The following VEZT variants were observed in gnomAD, a reference collection of about 807,000 sequenced individuals.
VEZT encodes the protein vezatin, adherens junctions transmembrane protein.
Under a neutral mutation model 79.9 loss-of-function variants are expected in VEZT, and 39 were observed. The ratio of observed to expected loss-of-function variants is 0.49; its 90% CI spans 0.38 to 0.64. The LOEUF (loss-of-function observed/expected upper bound fraction) is 0.64. Among genes scored for constraint, VEZT ranks in the 30% least tolerant of loss-of-function variants. The pLI is 0.00. For synonymous variants in VEZT, 325 were observed against 327.6 expected (o/e 0.99, Z 0.09); for missense variants, 837 against 893.1 (o/e 0.94, Z 0.80).
At position 95,300,333 on chromosome 12, in the gene VEZT, ACT is replaced by A. The variant is rs2075044935; in HGVS notation, c.2005_2006del (p.Leu669ArgfsTer3). On this transcript the variant is annotated frameshift_variant, in exon 12 of 12. Coordinates refer to ENST00000436874, the MANE Select transcript of VEZT (RefSeq NM_017599.4). LOFTEE classifies it low-confidence loss of function (END_TRUNC). ...AGTAGGACTGAGTATTTATGTGAAA[ACT>A]CTCTAGAAGGTAAAAATAAAGATAA... 6.2e-7 allele frequency: 1 copy of A among 1,611,036 alleles called. No individual in the cohort carries two copies. The highest frequency in any genetic ancestry group is 1.7e-5 in the Admixed American group (1 of 59,616).
chr12:95,266,218 T>G, intron 4 of VEZT, 139 bp from the exon 5 acceptor site: 2 of 986,008 alleles, frequency 2.0e-6, no homozygotes, highest in Non-Finnish European at 2.9e-6. Context: ...TCATATATTT[T>G]TAAGTTATGC....
intron 10 of VEZT, among the ~76,000 whole-genome samples, chr12:95,295,461 G>T (rs949683991): frequency 6.6e-6 from 1 of 152,068 alleles, no homozygotes; most frequent in East Asian, 1.9e-4. Context: ...CGCCCGGCTG[G>T]TGCCTGCTTC....
At chr12:95,235,820 G>A (rs1489321605) in intron 1 of VEZT, among the ~76,000 whole-genome samples, 6 of 152,022 alleles carry the variant, frequency 3.9e-5, no homozygotes, top group South Asian at 2.1e-4. Flanking sequence ...CTTCTCAGAC[G>A]GGGCGGCTGC....
At position 95,279,000 on chromosome 12, in the gene VEZT, G is replaced by A. The variant is rs546123649; in HGVS notation, c.997-3313G>A. On this transcript the variant is annotated intron_variant, in intron 7 of 11. Coordinates refer to ENST00000436874, the MANE Select transcript of VEZT (RefSeq NM_017599.4). The stretch of plus-strand genomic sequence containing the variant: ...CAGGAGAATCGCTTGAACCCAGGAG[G>A]CGGAAGTTGTGGTGAGCCAAGATCG... Among the ~76,000 whole-genome samples, 382 of 152,326 alleles carry A rather than the reference G, an allele frequency of 2.5e-3. 1 individual carries two copies. Among genetic ancestry groups the A allele is most frequent in the African/African-American group, 8.8e-3 (364 of 41,572 alleles).
chr12:95,224,906 G>A (rs61937950), intron 1 of VEZT, among the ~76,000 whole-genome samples: 16,870 of 152,214 alleles, frequency 0.11, 1,360 homozygotes, highest in African/African-American at 0.23. Flanking sequence ...ATTCTCATAA[G>A]GAGCTCACAA....
chr12:95,281,417 G>A (rs1370230804), intron 7 of VEZT, among the ~76,000 whole-genome samples: 4 of 152,148 alleles, frequency 2.6e-5, no homozygotes, highest in Non-Finnish European at 5.9e-5. Context: ...GTTTGAGGTT[G>A]CAGTAAGCTA....
intron 6 of VEZT, 149 bp from the exon 7 acceptor site, chr12:95,274,593 C>G: frequency 1.4e-6 from 1 of 690,052 alleles, no homozygotes; most frequent in Non-Finnish European, 2.2e-6. Flanking sequence ...ATATTAGATA[C>G]TTAAAATTAA....
intron 11 of VEZT, among the ~76,000 whole-genome samples, chr12:95,298,338 T>C (rs1016294143): frequency 3.3e-5 from 5 of 152,086 alleles, no homozygotes; most frequent in Non-Finnish European, 5.9e-5. Flanking sequence ...CCAAAGCATA[T>C]AGCAGAGAAG....
chr12:95,300,392 G>T lies in VEZT; in HGVS notation c.2059G>T (p.Glu687Ter), dbSNP rs1566367857. 5.6e-6 allele frequency: 9 copies of T among 1,613,968 alleles called. No individual in the cohort carries two copies. Among genetic ancestry groups the T allele is most frequent in the Non-Finnish European group, 6.8e-6 (8 of 1,179,874 alleles). ...AAATGAAGTCTTCCCCCAAGGAGCA[G>T]AAGAAAGAATGTGTTACCAATGTGA... ...SSNEVFPQGA[E>*]ERMCYQCESE... Residue 687 changes from glutamate to a stop codon, truncating the protein, a stop_gained, in exon 12 of 12, where the codon GAA (glutamate) becomes TAA (stop). Coordinates refer to ENST00000436874, the MANE Select transcript of VEZT (RefSeq NM_017599.4). LOFTEE classifies it low-confidence loss of function (END_TRUNC).
intron 7 of VEZT, among the ~76,000 whole-genome samples, chr12:95,278,898 G>A (rs1312200478): frequency 3.3e-5 from 5 of 152,094 alleles, no homozygotes; most frequent in South Asian, 4.1e-4. Flanking sequence ...GAGATACCCC[G>A]TCTCTACTAA....
chr12:95,293,010 C>T (rs2073329424), intron 9 of VEZT, among the ~76,000 whole-genome samples: 1 of 152,024 alleles, frequency 6.6e-6, no homozygotes, highest in African/African-American at 2.4e-5. Flanking sequence ...ACCACCATGC[C>T]TGGCTAATTT....
chr12:95,276,858 T>A (rs2067893014), intron 7 of VEZT, among the ~76,000 whole-genome samples: 1 of 152,216 alleles, frequency 6.6e-6, no homozygotes, highest in African/African-American at 2.4e-5. Flanking sequence ...CCTACTCCCC[T>A]TCTAACCCAT....
intron 8 of VEZT, among the ~76,000 whole-genome samples, chr12:95,285,188 A>G (rs1294292762): frequency 1.3e-5 from 2 of 152,108 alleles, no homozygotes; most frequent in South Asian, 2.1e-4. Context: ...TAACACCTGT[A>G]ATCCTGATAC....
chr12:95,253,472 C>G (rs1355417867), intron 2 of VEZT, among the ~76,000 whole-genome samples: 1 of 152,208 alleles, frequency 6.6e-6, no homozygotes, highest in Non-Finnish European at 1.5e-5. Flanking sequence ...TATACCATTT[C>G]TTCCCTGTGC....
intron 1 of VEZT, 74 bp from the exon 2 acceptor site, chr12:95,251,866 G>A (rs560813384): frequency 7.1e-7 from 1 of 1,416,892 alleles, no homozygotes; most frequent in Admixed American, 2.0e-5. Flanking sequence ...GTGAAGTCTG[G>A]TATTAAGTTT....
At chr12:95,223,775 G>A (rs1223827108) in intron 1 of VEZT, among the ~76,000 whole-genome samples, 4 of 152,126 alleles carry the variant, frequency 2.6e-5, no homozygotes, top group African/African-American at 9.7e-5. Context: ...CAAAAAACTA[G>A]TTGGTTTTGT....
chr12:95,246,989 T>C (rs777086248), intron 1 of VEZT, among the ~76,000 whole-genome samples: 39 of 152,222 alleles, frequency 2.6e-4, no homozygotes, highest in Non-Finnish European at 4.9e-4. Flanking sequence ...CTGTATTTAT[T>C]AGTGTATAAG....
intron 7 of VEZT, among the ~76,000 whole-genome samples, chr12:95,275,174 A>G (rs1196440312): frequency 6.6e-6 from 1 of 152,240 alleles, no homozygotes; most frequent in Non-Finnish European, 1.5e-5. Context: ...TTGGAGGCCA[A>G]CGTGAGTGAT....
chr12:95,298,129 T>TAAG (rs2074560630), intron 11 of VEZT, among the ~76,000 whole-genome samples: 1 of 149,650 alleles, frequency 6.7e-6, no homozygotes, highest in South Asian at 2.1e-4. Flanking sequence ...CAAAAAATAA[T>TAAG]AATAATAATA....
Sources: allele counts gnomAD v4.1 joint callset (sites outside exome capture counted in the v4.1 genomes callset), GRCh38; gene constraint gnomAD v4.1.1; transcripts MANE v1.5; gene names NCBI Gene and HGNC (gene_info 2026-07-23, HGNC 2026-07-21).